The following AUTS2 variants were observed in gnomAD, a reference collection of about 807,000 sequenced individuals.
AUTS2 encodes activator of transcription and developmental regulator AUTS2.
A neutral mutation model predicts 112.4 loss-of-function variants in AUTS2; 17 were observed. That is an observed-to-expected ratio of 0.15 (90% CI 0.10 to 0.23). The LOEUF is 0.23. Ranked by LOEUF, AUTS2 falls within the 10% of genes least tolerant of loss-of-function variation. The pLI, the probability that AUTS2 is intolerant of heterozygous loss-of-function variation, is 1.00. For missense variants in AUTS2, 1,510 were observed against 1,701.6 expected, an observed-to-expected ratio of 0.89 and a Z score of 1.98; for synonymous variants, 751 against 702.7, an observed-to-expected ratio of 1.07 and a Z score of -1.09.
intron 4 of AUTS2, among the ~76,000 whole-genome samples, chr7:70,139,704 A>G (rs1474443355): frequency 6.6e-6 from 1 of 152,140 alleles, no homozygotes; most frequent in Non-Finnish European, 1.5e-5. Flanking sequence ...AGATTTCTAT[A>G]ATTTATAAAT....
chr7:70,647,905 G>T (rs941581153), intron 5 of AUTS2, among the ~76,000 whole-genome samples: 1 of 152,122 alleles, frequency 6.6e-6, no homozygotes. Flanking sequence ...CCATTGTACT[G>T]ATTAGTTTCA....
intron 1 of AUTS2, among the ~76,000 whole-genome samples, chr7:69,879,747 A>G (rs1793960857): frequency 6.6e-6 from 1 of 152,200 alleles, no homozygotes; most frequent in Non-Finnish European, 1.5e-5. Flanking sequence ...AGCTGATTCA[A>G]ACACCTGCCT....
chr7:70,007,489 G>T (rs1484400910), intron 2 of AUTS2, among the ~76,000 whole-genome samples: 1 of 152,088 alleles, frequency 6.6e-6, no homozygotes, highest in Non-Finnish European at 1.5e-5. Flanking sequence ...TTCCAGAATG[G>T]ATCTGGTGGT....
chr7:70,143,642 AAAC>A (rs1248602904), intron 4 of AUTS2, among the ~76,000 whole-genome samples: 5 of 152,206 alleles, frequency 3.3e-5, no homozygotes, highest in Non-Finnish European at 5.9e-5. Context: ...GGATGAATAA[AAAC>A]AAACAAAAAA....
intron 5 of AUTS2, among the ~76,000 whole-genome samples, chr7:70,521,136 C>T (rs1799628011): frequency 6.6e-6 from 1 of 152,162 alleles, no homozygotes; most frequent in South Asian, 2.1e-4. Context: ...ACATCCCTGA[C>T]CTTCACCCTT....
At chr7:70,439,312 G>C (rs2130911933) in intron 5 of AUTS2, among the ~76,000 whole-genome samples, 1 of 152,248 alleles carries the variant, frequency 6.6e-6, no homozygotes, top group Admixed American at 6.5e-5. Flanking sequence ...GGCCAAGGCG[G>C]GGAGATGACA....
intron 9 of AUTS2, 95 bp from the exon 10 acceptor site, chr7:70,767,929 C>CT: frequency 8.1e-7 from 1 of 1,232,452 alleles, no homozygotes; most frequent in Non-Finnish European, 1.2e-6. Flanking sequence ...CTCATGACAG[C>CT]TTAATGACAG....
At chr7:70,122,368 A>G (rs1274202589) in intron 3 of AUTS2, among the ~76,000 whole-genome samples, 9 of 152,226 alleles carry the variant, frequency 5.9e-5, no homozygotes, top group Admixed American at 5.9e-4. Flanking sequence ...TAGGGCTGTA[A>G]TAATGCTTAT....
chr7:70,163,903 C>A (rs187150897), intron 4 of AUTS2, among the ~76,000 whole-genome samples: 25 of 152,234 alleles, frequency 1.6e-4, no homozygotes, highest in Admixed American at 1.3e-3. Flanking sequence ...GTGCTTGGAG[C>A]AGGAGAACTG....
At chr7:69,867,961 C>T (rs1401305210) in intron 1 of AUTS2, among the ~76,000 whole-genome samples, 1 of 151,416 alleles carries the variant, frequency 6.6e-6, no homozygotes, top group Non-Finnish European at 1.5e-5. Flanking sequence ...TCTAAAAAAT[C>T]ATATAGGAAA....
rs1334002742 is a variant in AUTS2, at chr7:70,049,296, TCTTA to T, written c.523-68832_523-68829del. ...ATACTTCGGTGAAAGGAAGTATATA[TCTTA>T]CTTTTTCCAACTCTATTAGCAAATC... On this transcript the variant is annotated intron_variant, in intron 2 of 18. Transcript: ENST00000342771. 5.9e-5 allele frequency among the ~76,000 whole-genome samples: 9 copies of T among 152,270 alleles called. No individual in the cohort carries two copies. The South Asian group carries it at 1.9e-3, about 32-fold the overall frequency.
chr7:70,786,007 T>C lies in AUTS2; in HGVS notation c.2277T>C (p.Asn759=), dbSNP rs1223105762. 1 of 1,614,170 alleles carries C rather than the reference T, an allele frequency of 6.2e-7. No individual in the cohort carries two copies. ...CAGGCCTAGCAGCAGTTGGTGGCAA[T>C]GCCTTCGGGGGACTTGGAAATCCTT... ...TFTGLAAVGG[N]AFGGLGNPSV... Residue 759 remains asparagine, a synonymous_variant, in exon 17 of 19, where the codon AAT becomes AAC. Transcript: ENST00000342771.
chr7:70,391,391 A>AT (rs1793850131), intron 4 of AUTS2, among the ~76,000 whole-genome samples: 2 of 152,208 alleles, frequency 1.3e-5, no homozygotes, highest in Non-Finnish European at 2.9e-5. Context: ...GAATATTTCA[A>AT]GGTATTTGAA....
At chr7:70,159,958 C>T (rs1807986501) in intron 4 of AUTS2, among the ~76,000 whole-genome samples, 1 of 152,028 alleles carries the variant, frequency 6.6e-6, no homozygotes, top group Admixed American at 6.6e-5. Context: ...TGGTGTTTTG[C>T]AGTCTTAAAT....
chr7:70,725,075 A>T (rs937703662), intron 6 of AUTS2, among the ~76,000 whole-genome samples: 18 of 152,254 alleles, frequency 1.2e-4, no homozygotes, highest in African/African-American at 4.3e-4. Context: ...ATGATATCAC[A>T]TTTTATAATT....
At chr7:69,873,695 C>G (rs180913754) in intron 1 of AUTS2, among the ~76,000 whole-genome samples, 79 of 152,258 alleles carry the variant, frequency 5.2e-4, no homozygotes, top group Non-Finnish European at 1.0e-3. Context: ...CTGCAAGGAA[C>G]AGAAATGATT....
chr7:69,894,655 G>A (rs1794670656), intron 1 of AUTS2, among the ~76,000 whole-genome samples: 3 of 152,132 alleles, frequency 2.0e-5, no homozygotes, highest in Admixed American at 2.0e-4. Context: ...TCCTACTATA[G>A]GGAGATCATC....
chr7:70,072,420 T>C (rs1802818530), intron 2 of AUTS2, among the ~76,000 whole-genome samples: 1 of 152,208 alleles, frequency 6.6e-6, no homozygotes, highest in Non-Finnish European at 1.5e-5. Flanking sequence ...TCTAGTAGAA[T>C]AAGAACTGCC....
intron 1 of AUTS2, among the ~76,000 whole-genome samples, chr7:69,637,755 A>G (rs1009162814): frequency 6.6e-6 from 1 of 152,132 alleles, no homozygotes; most frequent in East Asian, 1.9e-4. Flanking sequence ...AGGCAGTGAA[A>G]CCCAAGACTG....
Sources: gnomAD v4.1 joint callset for allele counts (sites outside exome capture counted in the v4.1 genomes callset) on GRCh38, gnomAD v4.1.1 for gene constraint, MANE v1.5 for transcripts, NCBI Gene and HGNC (gene_info 2026-07-23, HGNC 2026-07-21) for gene names.